The following RASA1 variants were observed in gnomAD, a reference collection of about 807,000 sequenced individuals.
RASA1 encodes the protein RAS p21 protein activator 1, also known as ras GTPase-activating protein 1.
A neutral mutation model predicts 132.2 loss-of-function variants in RASA1; 25 were observed. The ratio of observed to expected loss-of-function variants is 0.19; its 90% confidence interval spans 0.14 to 0.26. The LOEUF (loss-of-function observed/expected upper bound fraction) is 0.26. Among genes scored for constraint, RASA1 ranks in the 10% least tolerant of loss-of-function variants. The probability of loss-of-function intolerance (pLI) is 1.00; values close to 1 mark genes in which losing one functional copy is unlikely to be tolerated. For synonymous variants in RASA1, 477 were observed against 449.9 expected, an observed-to-expected ratio of 1.06 and a Z score of -0.76; for missense variants, 964 against 1,299.2, an observed-to-expected ratio of 0.74 and a Z score of 3.97.
chr5:87,380,063 T>C (rs1464950054), intron 19 of RASA1, among the ~76,000 whole-genome samples: 1 of 152,208 alleles, frequency 6.6e-6, no homozygotes, highest in Admixed American at 6.5e-5. Context: ...GTCTGGTTTG[T>C]ACTGTAGTAG....
At chr5:87,340,259 G>C (rs942724890) in intron 5 of RASA1, among the ~76,000 whole-genome samples, 1 of 152,014 alleles carries the variant, frequency 6.6e-6, no homozygotes, top group Non-Finnish European at 1.5e-5. Context: ...TGCCTTTCTG[G>C]AGTCTCTTAG....
At chr5:87,303,054 G>A (rs534514893) in intron 1 of RASA1, among the ~76,000 whole-genome samples, 4 of 151,978 alleles carry the variant, frequency 2.6e-5, no homozygotes, top group Admixed American at 6.6e-5. Context: ...ACCCATTTCC[G>A]TCAAGTAAAG....
intron 5 of RASA1, among the ~76,000 whole-genome samples, chr5:87,338,520 TA>T (rs1561292349): frequency 1.2e-4 from 12 of 100,880 alleles, no homozygotes; most frequent in South Asian, 6.9e-4. Context: ...TATATATATA[TA>T]TATATATATA....
chr5:87,276,246 A>G (rs997924383), intron 1 of RASA1, among the ~76,000 whole-genome samples: 39 of 152,170 alleles, frequency 2.6e-4, no homozygotes, highest in Non-Finnish European at 1.5e-4. Context: ...TCCACAATAG[A>G]TGTTGCTTTT....
At chr5:87,308,709 C>T (rs1032301706) in intron 1 of RASA1, among the ~76,000 whole-genome samples, 3 of 152,172 alleles carry the variant, frequency 2.0e-5, no homozygotes, top group Middle Eastern at 3.4e-3. Context: ...TTTGGTCAGT[C>T]CTATAGGATT....
chr5:87,357,635 G>C (rs777092385), intron 9 of RASA1, among the ~76,000 whole-genome samples: 2 of 152,090 alleles, frequency 1.3e-5, no homozygotes, highest in Non-Finnish European at 2.9e-5. Context: ...AACCTGGGAG[G>C]TGGAGGTTGC....
intron 5 of RASA1, among the ~76,000 whole-genome samples, chr5:87,338,801 A>G (rs7714180): frequency 0.012 from 1,800 of 151,844 alleles, 27 homozygotes; most frequent in African/African-American, 0.041. Flanking sequence ...TTTCAAATAT[A>G]TATATAATTT....
chr5:87,311,843 A>G (rs1755938052), intron 1 of RASA1, among the ~76,000 whole-genome samples: 1 of 152,212 alleles, frequency 6.6e-6, no homozygotes, highest in African/African-American at 2.4e-5. Context: ...CATAATCTGT[A>G]TGGTGTGGCT....
At chr5:87,271,342 A>G (rs558220929) in intron 1 of RASA1, among the ~76,000 whole-genome samples, 1 of 152,234 alleles carries the variant, frequency 6.6e-6, no homozygotes, top group East Asian at 1.9e-4. Flanking sequence ...AATGGTTATG[A>G]AAAACAATGC....
At chr5:87,312,535 T>C (rs979765808) in intron 1 of RASA1, among the ~76,000 whole-genome samples, 3 of 152,214 alleles carry the variant, frequency 2.0e-5, no homozygotes, top group African/African-American at 7.2e-5. Context: ...AGAAGTTCTT[T>C]AGGGGCCAGC....
At chr5:87,353,714 G>A (rs574631087) in intron 9 of RASA1, among the ~76,000 whole-genome samples, 1 of 152,250 alleles carries the variant, frequency 6.6e-6, no homozygotes, top group East Asian at 1.9e-4. Flanking sequence ...GTAAAGAGGA[G>A]AGTGAAGTTG....
intron 1 of RASA1, among the ~76,000 whole-genome samples, chr5:87,278,623 T>C (rs1754173202): frequency 6.6e-6 from 1 of 152,184 alleles, no homozygotes; most frequent in African/African-American, 2.4e-5. Flanking sequence ...ACATCTTGCA[T>C]AACTATAGTG....
At chr5:87,331,013 T>A in intron 1 of RASA1, 1 of 1,374,578 alleles carries the variant, frequency 7.3e-7, no homozygotes, top group Non-Finnish European at 9.6e-7. Context: ...CATTTGTCTA[T>A]CTTTTATTTT....
At chr5:87,375,782 A>AG (rs1761283007) in intron 15 of RASA1, among the ~76,000 whole-genome samples, 1 of 152,174 alleles carries the variant, frequency 6.6e-6, no homozygotes, top group African/African-American at 2.4e-5. Context: ...ACTCAGGCTT[A>AG]GGGAAGGAAG....
chr5:87,383,859 C>CTTTT, intron 21 of RASA1, 79 bp downstream of exon 21: 2 of 897,556 alleles, frequency 2.2e-6, no homozygotes, highest in South Asian at 1.7e-5. Context: ...ACTCTTAAAT[C>CTTTT]TTTTTTTTTT....
At chr5:87,286,130 T>C (rs1754550856) in intron 1 of RASA1, among the ~76,000 whole-genome samples, 1 of 152,000 alleles carries the variant, frequency 6.6e-6, no homozygotes, top group South Asian at 2.1e-4. Context: ...GCCTCCCGAG[T>C]AGCTGGGATT....
chr5:87,294,037 TTACTC>T (rs1360195604), intron 1 of RASA1, among the ~76,000 whole-genome samples: 20 of 152,162 alleles, frequency 1.3e-4, no homozygotes, highest in African/African-American at 4.6e-4. Flanking sequence ...GTTTGTTAAT[TTACTC>T]TATTGATTTC....
intron 24 of RASA1, among the ~76,000 whole-genome samples, chr5:87,390,281 T>C (rs977907355): frequency 1.3e-5 from 2 of 152,174 alleles, no homozygotes; most frequent in African/African-American, 4.8e-5. Context: ...TAGTTTCTAA[T>C]GTAGTTTCAG....
At chr5:87,322,501 G>A (rs1756900894) in intron 1 of RASA1, among the ~76,000 whole-genome samples, 1 of 152,158 alleles carries the variant, frequency 6.6e-6, no homozygotes, top group South Asian at 2.1e-4. Context: ...CCTGGTGCCG[G>A]AGGTTGGGGA....
Sources: gnomAD v4.1 joint callset for allele counts (sites outside exome capture counted in the v4.1 genomes callset) on GRCh38, gnomAD v4.1.1 for gene constraint, MANE v1.5 for transcripts, NCBI Gene and HGNC (gene_info 2026-07-23, HGNC 2026-07-21) for gene names.